The following FAM168A variants were observed in gnomAD, a reference collection of about 807,000 sequenced individuals.
FAM168A encodes protein FAM168A.
In FAM168A, 3 loss-of-function variants were observed where a neutral mutation model predicts 28.5. The observed-to-expected ratio is 0.11, with a 90% confidence interval of 0.05 to 0.27. FAM168A has a LOEUF of 0.27. Ranked by LOEUF, FAM168A falls within the 10% of genes least tolerant of loss-of-function variation. FAM168A has a pLI of 1.00. For missense variants in FAM168A, 222 were observed against 311.5 expected (o/e 0.71, Z 2.16); for synonymous variants, 122 against 124.2 (o/e 0.98, Z 0.12).
chr11:73,550,841 G>A (rs1296431468), intron 1 of FAM168A, among the ~76,000 whole-genome samples: 2 of 152,024 alleles, frequency 1.3e-5, no homozygotes, highest in African/African-American at 4.8e-5. Flanking sequence ...AGGCATGATG[G>A]CTCATGCCAG....
intron 4 of FAM168A, among the ~76,000 whole-genome samples, chr11:73,413,738 T>C (rs1405403128): frequency 6.6e-6 from 1 of 152,190 alleles, no homozygotes; most frequent in African/African-American, 2.4e-5. Flanking sequence ...AGTTAAGATT[T>C]TGTTTTTATT....
chr11:73,409,422 G>C (rs990595849), intron 6 of FAM168A, 65 bp downstream of exon 6: 1 of 1,596,406 alleles, frequency 6.3e-7, no homozygotes, highest in African/African-American at 1.3e-5. Flanking sequence ...CTATGACTGT[G>C]TTCTCTGCTC....
intron 1 of FAM168A, among the ~76,000 whole-genome samples, chr11:73,571,587 G>A (rs1442383003): frequency 4.0e-5 from 6 of 151,446 alleles, no homozygotes; most frequent in African/African-American, 1.2e-4. Flanking sequence ...GTGTGATCTC[G>A]GCTCGCTACA....
At chr11:73,531,057 C>G (rs1272703730) in intron 1 of FAM168A, among the ~76,000 whole-genome samples, 4 of 152,112 alleles carry the variant, frequency 2.6e-5, no homozygotes, top group African/African-American at 7.2e-5. Flanking sequence ...GAGACAGACA[C>G]TGAAACCAGA....
chr11:73,450,186 T>C (rs1014615329), intron 2 of FAM168A, among the ~76,000 whole-genome samples: 2 of 152,242 alleles, frequency 1.3e-5, no homozygotes, highest in Admixed American at 6.5e-5. Flanking sequence ...CCTCCTGTCA[T>C]AGCTGACACA....
chr11:73,455,193 C>G (rs1201088820), intron 2 of FAM168A, among the ~76,000 whole-genome samples: 1 of 152,316 alleles, frequency 6.6e-6, no homozygotes, highest in South Asian at 2.1e-4. Context: ...CCAAAAGTGG[C>G]CGGCTGGATC....
chr11:73,566,474 A>AC (rs1318049754), intron 1 of FAM168A, among the ~76,000 whole-genome samples: 1 of 152,124 alleles, frequency 6.6e-6, no homozygotes, highest in Non-Finnish European at 1.5e-5. Context: ...AAAAAAGCAC[A>AC]CCCCCAAAAT....
intron 1 of FAM168A, among the ~76,000 whole-genome samples, chr11:73,595,986 A>G (rs555300140): frequency 2.2e-4 from 34 of 152,338 alleles, no homozygotes; most frequent in Non-Finnish European, 4.7e-4. Context: ...CTGTTTACAT[A>G]AAGCGGTGGT....
chr11:73,573,612 T>A (rs1944134973), intron 1 of FAM168A, among the ~76,000 whole-genome samples: 1 of 152,192 alleles, frequency 6.6e-6, no homozygotes, highest in Non-Finnish European at 1.5e-5. Context: ...TTTATATAGT[T>A]CAAGGGAAAT....
intron 1 of FAM168A, among the ~76,000 whole-genome samples, chr11:73,494,593 A>G (rs550634011): frequency 5.1e-4 from 78 of 152,176 alleles, no homozygotes; most frequent in Non-Finnish European, 1.0e-3. Context: ...AAGAGCCAGG[A>G]AGAGTTTTAT....
chr11:73,519,578 A>T (rs1361547656), intron 1 of FAM168A, among the ~76,000 whole-genome samples: 1 of 152,212 alleles, frequency 6.6e-6, no homozygotes, highest in Non-Finnish European at 1.5e-5. Context: ...CAAGGCAGTG[A>T]CAATTAAACA....
At chr11:73,452,190 T>C (rs1259606250) in intron 2 of FAM168A, 1 of 152,260 alleles carries the variant, frequency 6.6e-6, no homozygotes, top group Non-Finnish European at 1.5e-5. Context: ...AGGAAGAAGA[T>C]AATATGAAGC....
intron 2 of FAM168A, among the ~76,000 whole-genome samples, chr11:73,458,692 C>T (rs1394762527): frequency 6.6e-6 from 1 of 152,076 alleles, no homozygotes; most frequent in South Asian, 2.1e-4. Context: ...CTCACTGCAA[C>T]CTCCGCCTCC....
At chr11:73,535,974 T>A (rs112956569) in intron 1 of FAM168A, among the ~76,000 whole-genome samples, 12,790 of 151,746 alleles carry the variant, frequency 0.084, 629 homozygotes, top group Admixed American at 0.11. Flanking sequence ...GCCTACTGAG[T>A]AGCTGGGACT....
intron 4 of FAM168A, among the ~76,000 whole-genome samples, chr11:73,419,556 C>T (rs1302949294): frequency 1.3e-5 from 2 of 152,042 alleles, no homozygotes; most frequent in East Asian, 3.9e-4. Flanking sequence ...TGTCCAAAGA[C>T]CCACAGACCT....
At chr11:73,419,779 T>C in intron 4 of FAM168A, 95 bp downstream of exon 4, 3 of 1,484,540 alleles carry the variant, frequency 2.0e-6, no homozygotes, top group Non-Finnish European at 2.7e-6. Flanking sequence ...ATTTATCTCA[T>C]AAATGTCATT....
At chr11:73,508,009 T>C (rs1457046294) in intron 1 of FAM168A, among the ~76,000 whole-genome samples, 1 of 152,166 alleles carries the variant, frequency 6.6e-6, no homozygotes, top group Non-Finnish European at 1.5e-5. Context: ...GTTCAAATCA[T>C]AGCTCCATCA....
chr11:73,521,467 AAAAC>A (rs989797477), intron 1 of FAM168A, among the ~76,000 whole-genome samples: 20 of 152,144 alleles, frequency 1.3e-4, no homozygotes, highest in African/African-American at 3.6e-4. Flanking sequence ...TTAGAAAAAA[AAAAC>A]AAAAAAAGAA....
chr11:73,492,562 A>G (rs1211762490), intron 1 of FAM168A, among the ~76,000 whole-genome samples: 7 of 152,196 alleles, frequency 4.6e-5, no homozygotes, highest in Non-Finnish European at 8.8e-5. Flanking sequence ...GGATTGCTTA[A>G]GCCTGGAGGT....
Sources: allele counts gnomAD v4.1 joint callset (sites outside exome capture counted in the v4.1 genomes callset), GRCh38; gene constraint gnomAD v4.1.1; transcripts MANE v1.5; gene names NCBI Gene and HGNC (gene_info 2026-07-23, HGNC 2026-07-21).